BMPR2: variants seen among roughly 807,000 people sequenced by gnomAD.
BMPR2 encodes the protein bone morphogenetic protein receptor type 2.
A neutral mutation model predicts 100.8 loss-of-function variants in BMPR2; 29 were observed. That is an observed-to-expected ratio of 0.29 (90% CI 0.21 to 0.39). BMPR2 has a LOEUF of 0.39. BMPR2 is among the 10% of genes least tolerant of loss of function. The probability of loss-of-function intolerance (pLI) is 1.00; values close to 1 mark genes in which losing one functional copy is unlikely to be tolerated. For missense variants in BMPR2, 1,011 were observed against 1,274.5 expected (o/e 0.79, Z 3.15); for synonymous variants, 382 against 442.3 (o/e 0.86, Z 1.71).
chr2:202,422,448 A>C (rs1455210420), intron 1 of BMPR2, among the ~76,000 whole-genome samples: 1 of 151,550 alleles, frequency 6.6e-6, no homozygotes, highest in Non-Finnish European at 1.5e-5. Context: ...CTGGGACTAC[A>C]GGTGTCCGCC....
At chr2:202,523,882 T>G (rs1437755900) in intron 7 of BMPR2, among the ~76,000 whole-genome samples, 2 of 152,192 alleles carry the variant, frequency 1.3e-5, no homozygotes, top group Admixed American at 1.3e-4. Context: ...AATGAAATCA[T>G]ATCCTTTGCA....
chr2:202,499,072 G>A (rs1057055546), intron 3 of BMPR2, among the ~76,000 whole-genome samples: 20 of 149,988 alleles, frequency 1.3e-4, no homozygotes, highest in Non-Finnish European at 2.7e-4. Flanking sequence ...AAAAACCCCC[G>A]GGCTATCGGT....
chr2:202,513,901 AT>A, intron 4 of BMPR2, 72 bp downstream of exon 4: 1 of 1,212,366 alleles, frequency 8.2e-7, no homozygotes, highest in Non-Finnish European at 1.2e-6. Flanking sequence ...CTCCTTTTAA[AT>A]TCCGTATGTT....
chr2:202,556,954 G>A (rs1169409179), intron 12 of BMPR2, among the ~76,000 whole-genome samples: 1 of 151,394 alleles, frequency 6.6e-6, no homozygotes, highest in East Asian at 2.0e-4. Context: ...GTGGTGGCGT[G>A]CACCTGTAAT....
intron 12 of BMPR2, 92 bp downstream of exon 12, chr2:202,556,623 GT>G: frequency 7.0e-7 from 1 of 1,418,746 alleles, no homozygotes; most frequent in Non-Finnish European, 9.7e-7. Context: ...ATTTCAACTA[GT>G]GATTATTTAC....
At chr2:202,379,707 A>T (rs938547902) in intron 1 of BMPR2, among the ~76,000 whole-genome samples, 10 of 152,214 alleles carry the variant, frequency 6.6e-5, no homozygotes, top group Non-Finnish European at 1.3e-4. Context: ...CAAATGGTGC[A>T]GCTGAACAGG....
intron 7 of BMPR2, among the ~76,000 whole-genome samples, chr2:202,524,457 C>T (rs1348591436): frequency 1.3e-5 from 2 of 151,514 alleles, no homozygotes; most frequent in African/African-American, 4.9e-5. Context: ...ATACTATAAA[C>T]CCAGATAACA....
intron 1 of BMPR2, among the ~76,000 whole-genome samples, chr2:202,380,239 G>A (rs1351124894): frequency 6.6e-6 from 1 of 151,572 alleles, no homozygotes; most frequent in African/African-American, 2.4e-5. Flanking sequence ...TGCTGGCTTG[G>A]TTTATGAATG....
At chr2:202,435,337 C>A (rs1691592536) in intron 1 of BMPR2, among the ~76,000 whole-genome samples, 1 of 137,386 alleles carries the variant, frequency 7.3e-6, no homozygotes, top group Non-Finnish European at 1.5e-5. Context: ...GCACTCCAGC[C>A]TGGGCGACAG....
intron 3 of BMPR2, among the ~76,000 whole-genome samples, chr2:202,501,699 A>T (rs1181662512): frequency 6.6e-6 from 1 of 152,242 alleles, no homozygotes; most frequent in Non-Finnish European, 1.5e-5. Flanking sequence ...CATGATGTAA[A>T]TGGCATACTA....
chr2:202,520,318 G>C, intron 7 of BMPR2, 117 bp downstream of exon 7: 2 of 780,750 alleles, frequency 2.6e-6, no homozygotes, highest in South Asian at 3.1e-5. Context: ...TTTATTATTA[G>C]TCAGTTGTTT....
At chr2:202,497,468 A>G (rs537715093) in intron 3 of BMPR2, among the ~76,000 whole-genome samples, 20 of 152,336 alleles carry the variant, frequency 1.3e-4, no homozygotes, top group Admixed American at 3.9e-4. Context: ...CTTTCTGGGA[A>G]AGGGCTCTCT....
chr2:202,489,824 G>C (rs1692864399), intron 3 of BMPR2, among the ~76,000 whole-genome samples: 1 of 152,198 alleles, frequency 6.6e-6, no homozygotes, highest in South Asian at 2.1e-4. Flanking sequence ...ACCTACGTAA[G>C]ATGTTACATG....
chr2:202,478,049 A>G (rs990286686), intron 3 of BMPR2, among the ~76,000 whole-genome samples: 9 of 152,166 alleles, frequency 5.9e-5, no homozygotes, highest in Non-Finnish European at 1.0e-4. Context: ...AAGTCACCCA[A>G]GGTGCACGTT....
intron 1 of BMPR2, among the ~76,000 whole-genome samples, chr2:202,435,981 A>G (rs920552519): frequency 6.6e-6 from 1 of 150,706 alleles, no homozygotes; most frequent in Non-Finnish European, 1.5e-5. Context: ...ATTAAGCCAC[A>G]CATGACTGCC....
chr2:202,426,040 G>C (rs1691376269), intron 1 of BMPR2, among the ~76,000 whole-genome samples: 1 of 152,320 alleles, frequency 6.6e-6, no homozygotes, highest in South Asian at 2.1e-4. Context: ...TAGGAAACCT[G>C]TATGGTTGAT....
At chr2:202,539,199 T>C (rs1261332685) in intron 9 of BMPR2, among the ~76,000 whole-genome samples, 1 of 152,006 alleles carries the variant, frequency 6.6e-6, no homozygotes, top group Non-Finnish European at 1.5e-5. Context: ...AGGAAGCTGA[T>C]TAAAAAATAA....
At chr2:202,407,109 ATT>A (rs34304623) in intron 1 of BMPR2, among the ~76,000 whole-genome samples, 1 of 141,956 alleles carries the variant, frequency 7.0e-6, no homozygotes. Flanking sequence ...TAATTTTTGT[ATT>A]TTTTTTTTTT....
intron 1 of BMPR2, among the ~76,000 whole-genome samples, chr2:202,459,087 G>A (rs2105954907): frequency 6.6e-6 from 1 of 152,168 alleles, no homozygotes; most frequent in East Asian, 1.9e-4. Context: ...CTTTGATTGA[G>A]TGCACTCTCT....
Sources: gnomAD v4.1 joint callset for allele counts (sites outside exome capture counted in the v4.1 genomes callset) on GRCh38, gnomAD v4.1.1 for gene constraint, MANE v1.5 for transcripts, NCBI Gene and HGNC (gene_info 2026-07-23, HGNC 2026-07-21) for gene names.